GGT7: variants seen among roughly 807,000 people sequenced by gnomAD.
GGT7 encodes the protein gamma-glutamyltransferase 7.
GGT7 carries 30 observed loss-of-function variants against 69.2 expected under a neutral mutation model. The observed-to-expected ratio is 0.43, with a 90% confidence interval of 0.32 to 0.59. The LOEUF (loss-of-function observed/expected upper bound fraction) is 0.59. Among genes scored for constraint, GGT7 ranks in the 20% least tolerant of loss-of-function variants. GGT7 has a pLI of 0.05. For synonymous variants in GGT7, 388 were observed against 391.8 expected (o/e 0.99, Z 0.12); for missense variants, 733 against 901.1 (o/e 0.81, Z 2.39).
intron 10 of GGT7, 143 bp downstream of exon 10, chr20:34,854,388 C>G (rs1448847878): frequency 3.3e-6 from 2 of 609,832 alleles, no homozygotes; most frequent in Admixed American, 5.7e-5. Context: ...GGAGAGGCAC[C>G]CAGTGTCACG....
At chr20:34,850,905 G>A (rs780535878) in intron 13 of GGT7, 3 of 629,956 alleles carry the variant, frequency 4.8e-6, no homozygotes, top group East Asian at 7.0e-5. Context: ...AGGGCTGGTT[G>A]TCTATTCAGA....
Position 34,845,311 on chromosome 20 carries a change from C to A in GGT7, c.*17G>T. 6.2e-7 allele frequency: 1 copy of A among 1,604,502 alleles called. No homozygotes were observed. Among genetic ancestry groups the A allele is most frequent in the Non-Finnish European group, 8.5e-7 (1 of 1,174,818 alleles). On this transcript the variant is annotated 3_prime_UTR_variant, in exon 15 of 15. Transcript: ENST00000336431. ...ATGCAAAGTGGGGGAGCAGAGACCC[C>A]GCCCCACCCCGCTGCTCTACAGGAT... is the stretch of plus-strand genomic sequence containing the variant.
chr20:34,857,968 G>A (rs530098595), intron 7 of GGT7, among the ~76,000 whole-genome samples: 2 of 152,188 alleles, frequency 1.3e-5, no homozygotes, highest in South Asian at 4.1e-4. Flanking sequence ...ACTCAACTTT[G>A]GGTTTCTTTT....
chr20:34,862,905 C>A lies in GGT7; in HGVS notation c.466G>T (p.Val156Leu), dbSNP rs1219582852. ...AARCTSLGIE[V>L]LSKQGSSVDA... ...ACAGAAGATCCCTGTTTACTGAGCA[C>A]CTCGATGCCCAGTGAAGTGCAGCGG... Residue 156 changes from valine to leucine, a missense_variant, in exon 3 of 15, where the codon GTG (valine) becomes TTG (leucine). By Grantham distance (32) the Val-to-Leu change is conservative (BLOSUM62 1). Transcript: ENST00000336431. The A allele has an allele frequency of 6.2e-7, 1 of 1,613,988 alleles. No individual in the cohort carries two copies. The highest frequency in any genetic ancestry group is 1.7e-5 in the Admixed American group (1 of 60,020).
At chr20:34,855,376 A>T (rs900593502) in intron 8 of GGT7, among the ~76,000 whole-genome samples, 2 of 152,212 alleles carry the variant, frequency 1.3e-5, no homozygotes, top group African/African-American at 4.8e-5. Flanking sequence ...CTATTCTGTT[A>T]CTAGATGTTT....
At chr20:34,860,637 CTTTTTTTTTTTT>C (rs533561120) in intron 4 of GGT7, among the ~76,000 whole-genome samples, 4 of 113,890 alleles carry the variant, frequency 3.5e-5, no homozygotes, top group Non-Finnish European at 7.1e-5. Context: ...CAACCCCTGC[CTTTTTTTTTTTT>C]TTTTTTTTTT....
chr20:34,851,398 G>A lies in GGT7; in HGVS notation c.1588-30C>T, dbSNP rs200306952. The A allele has an allele frequency of 3.9e-4, 620 of 1,592,234 alleles. 4 individuals are homozygous for A. Among genetic ancestry groups the A allele is most frequent in the Non-Finnish European group, 1.1e-4 (124 of 1,167,886 alleles). On this transcript the variant is annotated intron_variant, in intron 12 of 14. Transcript: ENST00000336431. The stretch of plus-strand genomic sequence containing the variant: ...TGTTAGAGGACAGAGACCACAAGGG[G>A]CAGGTGGGGTGGGACAAGACCGGGA...
rs1471737268 is a variant in GGT7, at chr20:34,859,537, C to T, written c.920G>A (p.Arg307Gln). ...ATCCAGCACCTCAGCCAGGTCGGGC[C>T]GATGCAGCAACGAGCCAGGTAGTGG... is the stretch of plus-strand genomic sequence containing the variant. ...RPPLPGSLLH[R>Q]PDLAEVLDVL... The change falls in exon 7 of 15, where the codon CGG (arginine) becomes CAG (glutamine). Residue 307 changes from arginine (R) to glutamine (Q), a missense_variant. Transcript: ENST00000336431. The T allele has an allele frequency of 3.7e-6, 6 of 1,612,328 alleles. No individual in the cohort carries two copies. The highest frequency in any genetic ancestry group is 3.3e-5 in the Admixed American group (2 of 59,878).
chr20:34,851,440 C>A, intron 12 of GGT7, 72 bp from the exon 13 acceptor site: 2 of 1,433,352 alleles, frequency 1.4e-6, no homozygotes, highest in Non-Finnish European at 1.9e-6. Context: ...CCCTCCACAA[C>A]CCTTCCAACT....
chr20:34,862,022 G>A (rs1411326975), intron 3 of GGT7, among the ~76,000 whole-genome samples: 1 of 152,172 alleles, frequency 6.6e-6, no homozygotes, highest in Admixed American at 6.5e-5. Flanking sequence ...TCTTACAGGA[G>A]CCAAGATAGG....
chr20:34,855,927 T>C (rs751066670), intron 8 of GGT7, among the ~76,000 whole-genome samples: 3 of 152,076 alleles, frequency 2.0e-5, no homozygotes, highest in Non-Finnish European at 4.4e-5. Context: ...CCTGAGTAGC[T>C]AGGACTATAG....
Position 34,862,966 on chromosome 20 carries a change from C to G in GGT7, c.406-1G>C. 1 of 1,611,500 alleles carries G rather than the reference C, an allele frequency of 6.2e-7. No homozygotes were observed. Among genetic ancestry groups the G allele is most frequent in the Non-Finnish European group, 8.5e-7 (1 of 1,178,892 alleles). ...TCACCACGGCACCCTGCTGGAAGATCTGGGAGGGGAAAGAGGACTTGGTGG... is the reference window on the plus strand; with the variant it reads ...TCACCACGGCACCCTGCTGGAAGATGTGGGAGGGGAAAGAGGACTTGGTGG... On this transcript the variant is annotated splice_acceptor_variant, in intron 2 of 14. Coordinates refer to ENST00000336431, the MANE Select transcript of GGT7 (RefSeq NM_178026.3). LOFTEE classifies it high-confidence loss of function.
intron 1 of GGT7, among the ~76,000 whole-genome samples, chr20:34,867,221 G>A (rs1039808650): frequency 6.6e-5 from 10 of 152,044 alleles, no homozygotes; most frequent in African/African-American, 1.2e-4. Flanking sequence ...CACAGCACCC[G>A]GCATTAGAAG....
chr20:34,845,155 A>ACCACC lies in GGT7; in HGVS notation c.*172_*173insGGTGG. 5 of 157,662 alleles carry ACCACC rather than the reference A, an allele frequency of 3.2e-5. No individual in the cohort carries two copies. The highest frequency in any genetic ancestry group is 6.1e-5 in the South Asian group (1 of 16,522). The allele number at this position is 157,662 out of a possible 1,614,324, so 9.8% of individuals were successfully genotyped here. A position where few individuals can be genotyped will look rare whatever the true frequency, so the allele number is the denominator to read the frequency against. On this transcript the variant is annotated 3_prime_UTR_variant, in exon 15 of 15. Transcript: ENST00000336431. ...CCACCACCACCACCACCACCACCAC[A>ACCACC]GGCCTCCTGATGGAGAATTTTCCAG... is the stretch of plus-strand genomic sequence containing the variant.
At position 34,872,683 on chromosome 20, in the gene GGT7, T is replaced by C. The variant is rs778575585; in HGVS notation, c.133A>G (p.Lys45Glu). 5 of 1,480,574 alleles carry C rather than the reference T, an allele frequency of 3.4e-6. No individual in the cohort carries two copies. The East Asian group carries it at 1.1e-4, about 33-fold the overall frequency. The allele number at this position is 1,480,574 out of a possible 1,614,324, so 91.7% of individuals were successfully genotyped here. A position where few individuals can be genotyped will look rare whatever the true frequency, so the allele number is the denominator to read the frequency against. ...PAPAAPLRGR[K>E]DEDAFLGDPD... is the part of the protein sequence containing the mutation. The stretch of plus-strand genomic sequence containing the variant: ...TCTCCCAGAAAGGCGTCCTCGTCCT[T>C]GCGGCCCCTCAGCGGGGCCGCGGGC... Residue 45 changes from lysine (K) to glutamate (E), a missense_variant, in exon 1 of 15, where the codon AAG (lysine) becomes GAG (glutamate). Lys to Glu is a moderately conservative substitution (Grantham distance 56, BLOSUM62 1). Coordinates refer to ENST00000336431, the MANE Select transcript of GGT7 (RefSeq NM_178026.3).
At chr20:34,860,585 C>T (rs1239930208) in intron 4 of GGT7, among the ~76,000 whole-genome samples, 1 of 150,562 alleles carries the variant, frequency 6.6e-6, no homozygotes, top group Non-Finnish European at 1.5e-5. Context: ...AGAGCCAGGA[C>T]ATAACCAGTG....
chr20:34,849,357 G>A lies in GGT7; in HGVS notation c.1825+604C>T, dbSNP rs573093957. Among the ~76,000 whole-genome samples the A allele has an allele frequency of 2.7e-4, 41 of 150,930 alleles. No homozygotes were observed. In the Middle Eastern group the frequency reaches 0.01, roughly 38 times the overall value. On this transcript the variant is annotated intron_variant, in intron 14 of 14. Coordinates refer to ENST00000336431, the MANE Select transcript of GGT7 (RefSeq NM_178026.3). ...AAAAATTTTTTTATAGAGACGGGGG[G>A]GTGGAGGGGGGTCTCACTATGTTAC... is the stretch of plus-strand genomic sequence containing the variant.
At chr20:34,859,412 A>C (rs1392615304) in intron 7 of GGT7, 31 bp downstream of exon 7, 15 of 1,527,038 alleles carry the variant, frequency 9.8e-6, no homozygotes, top group Non-Finnish European at 1.3e-5. Flanking sequence ...ACCTTGGGGC[A>C]TGCCCCCACC....
In GGT7 at chr20:34,850,031, C is replaced by T. The variant is rs2079363623; in HGVS notation, c.1755G>A (p.Arg585=). The stretch of plus-strand genomic sequence containing the variant: ...CGCGGGCCAGGCTGTCACTCAGGTT[C>T]CGGTTCAAGGTCAGGACATTCAGCA... ...QVLLNVLTLN[R]NLSDSLARGR... The change falls in exon 14 of 15, where the codon CGG becomes CGA. Residue 585 remains arginine (R), a synonymous_variant. Coordinates refer to ENST00000336431, the MANE Select transcript of GGT7 (RefSeq NM_178026.3). 1.2e-6 allele frequency: 2 copies of T among 1,613,960 alleles called. No individual in the cohort carries two copies. Among genetic ancestry groups the T allele is most frequent in the Non-Finnish European group, 1.7e-6 (2 of 1,179,882 alleles).
Sources: gnomAD v4.1 joint callset for allele counts (sites outside exome capture counted in the v4.1 genomes callset) on GRCh38, gnomAD v4.1.1 for gene constraint, MANE v1.5 for transcripts, NCBI Gene and HGNC (gene_info 2026-07-23, HGNC 2026-07-21) for gene names.